Variants in CDH13 observed in about 807,000 individuals in gnomAD.
The protein encoded by CDH13 is cadherin 13.
CDH13 carries 24 observed loss-of-function variants against 63.8 expected under a neutral mutation model. That is an observed-to-expected ratio of 0.38 (90% CI 0.27 to 0.53). The LOEUF is 0.53. Ranked by LOEUF, CDH13 falls within the 20% of genes least tolerant of loss-of-function variation. The pLI is 0.85. For missense variants in CDH13, 1,049 were observed against 903.1 expected, an observed-to-expected ratio of 1.16 and a Z score of -2.07; for synonymous variants, 503 against 355.3, an observed-to-expected ratio of 1.42 and a Z score of -4.67.
At chr16:82,659,873 G>A (rs74028506) in intron 1 of CDH13, among the ~76,000 whole-genome samples, 18,767 of 152,060 alleles carry the variant, frequency 0.12, 1,608 homozygotes, top group East Asian at 0.26. Context: ...AGAGGCCATT[G>A]GAAGCCCCAT....
chr16:82,780,739 C>G (rs568422663), intron 1 of CDH13, among the ~76,000 whole-genome samples: 1 of 152,200 alleles, frequency 6.6e-6, no homozygotes, highest in Non-Finnish European at 1.5e-5. Flanking sequence ...AACAGAGTGA[C>G]TTTACCCATG....
chr16:82,687,552 G>T (rs182165196), intron 1 of CDH13, among the ~76,000 whole-genome samples: 11 of 152,170 alleles, frequency 7.2e-5, no homozygotes, highest in African/African-American at 2.4e-4. Flanking sequence ...GCATGTGCAG[G>T]GGAACTCCCA....
Position 83,216,443 on chromosome 16 carries a change from T to TACAC in CDH13, c.484-900_484-897dup, listed in dbSNP as rs1555513922. Among the ~76,000 whole-genome samples, 62 of 93,434 alleles carry TACAC rather than the reference T, an allele frequency of 6.6e-4. 1 individual carries two copies. Among genetic ancestry groups the TACAC allele is most frequent in the African/African-American group, 2.4e-3 (61 of 25,382 alleles). The allele number at this position is 93,434 out of a possible 152,430, so 61.3% of individuals were successfully genotyped here. ...ATATATATATATATATATATATATA[T>TACAC]ACACAACCCTAATTTGAGGTTTATA... On this transcript the variant is annotated intron_variant, in intron 4 of 13. Coordinates refer to ENST00000567109, the MANE Select transcript of CDH13 (RefSeq NM_001257.5).
intron 4 of CDH13, among the ~76,000 whole-genome samples, chr16:83,126,882 A>G (rs1478372158): frequency 6.6e-6 from 1 of 152,230 alleles, no homozygotes; most frequent in African/African-American, 2.4e-5. Flanking sequence ...GAAGACAGAA[A>G]CAAGAACATT....
intron 1 of CDH13, among the ~76,000 whole-genome samples, chr16:82,776,346 G>C (rs926277316): frequency 2.6e-5 from 4 of 152,170 alleles, no homozygotes; most frequent in Non-Finnish European, 5.9e-5. Flanking sequence ...TATGCCATAT[G>C]CTTTTGTGAG....
At chr16:83,348,256 C>T (rs1017930659) in intron 6 of CDH13, among the ~76,000 whole-genome samples, 1 of 152,114 alleles carries the variant, frequency 6.6e-6, no homozygotes, top group African/African-American at 2.4e-5. Flanking sequence ...ATGTTTTACA[C>T]CACAGACTCT....
intron 8 of CDH13, among the ~76,000 whole-genome samples, chr16:83,664,514 A>G (rs1913750459): frequency 6.7e-6 from 1 of 149,280 alleles, no homozygotes; most frequent in Non-Finnish European, 1.5e-5. Context: ...TTATATAATT[A>G]GTTTTTATTT....
intron 1 of CDH13, among the ~76,000 whole-genome samples, chr16:82,730,809 C>T (rs1230472635): frequency 6.6e-6 from 1 of 152,142 alleles, no homozygotes; most frequent in South Asian, 2.1e-4. Context: ...TTGCTGCAGC[C>T]AGCTCAGTCC....
chr16:83,090,828 C>G (rs1837860252), intron 3 of CDH13, among the ~76,000 whole-genome samples: 1 of 151,852 alleles, frequency 6.6e-6, no homozygotes, highest in Non-Finnish European at 1.5e-5. Context: ...AAAAACAAAT[C>G]CGGAAACATA....
chr16:82,897,928 T>C (rs956190315), intron 2 of CDH13, among the ~76,000 whole-genome samples: 3 of 152,256 alleles, frequency 2.0e-5, no homozygotes, highest in African/African-American at 7.2e-5. Flanking sequence ...GTCCATGGAC[T>C]AAGTGTTAAT....
At chr16:83,267,888 CAT>C (rs1182394519) in intron 5 of CDH13, among the ~76,000 whole-genome samples, 3 of 152,224 alleles carry the variant, frequency 2.0e-5, no homozygotes, top group African/African-American at 7.2e-5. Flanking sequence ...ATGCCCCACA[CAT>C]GTGCTCTCAT....
In CDH13 at chr16:82,919,093, G is replaced by A. The variant is rs554571867; in HGVS notation, c.157+60620G>A. 2.0e-5 allele frequency among the ~76,000 whole-genome samples: 3 copies of A among 152,166 alleles called. No homozygotes were observed. In the South Asian group the frequency reaches 6.2e-4, roughly 32 times the overall value. On this transcript the variant is annotated intron_variant, in intron 2 of 13. Coordinates refer to ENST00000567109, the MANE Select transcript of CDH13 (RefSeq NM_001257.5). ...GGCTTTTTGTTTTATAGTACTCATA[G>A]TAATTGATATGACAAGAATATCAAT...
intron 6 of CDH13, among the ~76,000 whole-genome samples, chr16:83,360,490 G>A (rs914198535): frequency 1.8e-4 from 27 of 151,192 alleles, no homozygotes; most frequent in African/African-American, 6.6e-4. Context: ...TTTGGATTTG[G>A]GCATACACAT....
intron 1 of CDH13, among the ~76,000 whole-genome samples, chr16:82,763,007 T>C (rs1185814203): frequency 1.3e-5 from 2 of 152,194 alleles, no homozygotes; most frequent in Non-Finnish European, 2.9e-5. Flanking sequence ...GTGGTGCTAC[T>C]GTGTGAAAAA....
intron 2 of CDH13, among the ~76,000 whole-genome samples, chr16:83,031,146 G>A (rs1916269950): frequency 6.9e-6 from 1 of 144,112 alleles, no homozygotes; most frequent in South Asian, 2.2e-4. Context: ...TATACCATAT[G>A]TGTGTATATG....
chr16:82,928,323 C>A (rs543377710), intron 2 of CDH13, among the ~76,000 whole-genome samples: 1 of 152,148 alleles, frequency 6.6e-6, no homozygotes, highest in Non-Finnish European at 1.5e-5. Flanking sequence ...TTCTTATAAG[C>A]ATTGCATAAA....
chr16:82,937,511 T>C (rs1396182155), intron 2 of CDH13, among the ~76,000 whole-genome samples: 1 of 152,146 alleles, frequency 6.6e-6, no homozygotes, highest in Non-Finnish European at 1.5e-5. Context: ...ATTTGTATAT[T>C]TTCTCAGAGA....
intron 2 of CDH13, among the ~76,000 whole-genome samples, chr16:82,901,359 T>TGA (rs1195864958): frequency 6.7e-6 from 1 of 150,202 alleles, no homozygotes; most frequent in African/African-American, 2.4e-5. Flanking sequence ...TGTGTGTGTG[T>TGA]GTGTGTGTCT....
intron 4 of CDH13, among the ~76,000 whole-genome samples, chr16:83,142,033 C>A (rs1410636408): frequency 6.6e-6 from 1 of 152,206 alleles, no homozygotes; most frequent in Non-Finnish European, 1.5e-5. Context: ...GTACAAGTTT[C>A]CCACCTGTGT....
Sources: allele counts gnomAD v4.1 joint callset (sites outside exome capture counted in the v4.1 genomes callset), GRCh38; gene constraint gnomAD v4.1.1; transcripts MANE v1.5; gene names NCBI Gene and HGNC (gene_info 2026-07-23, HGNC 2026-07-21).